Variants in GRM7 observed in about 807,000 individuals in gnomAD.
The protein encoded by GRM7 is metabotropic glutamate receptor 7.
GRM7 carries 35 observed loss-of-function variants against 84.5 expected under a neutral mutation model. The ratio of observed to expected loss-of-function variants is 0.41; its 90% CI spans 0.32 to 0.55. GRM7 has a LOEUF of 0.55. Among genes scored for constraint, GRM7 ranks in the 20% least tolerant of loss-of-function variants. The pLI is 0.19. For synonymous variants in GRM7, 487 were observed against 455.1 expected (o/e 1.07, Z -0.89); for missense variants, 1,003 against 1,194.6 (o/e 0.84, Z 2.36).
chr3:7,134,345 A>C (rs958855286), intron 1 of GRM7, among the ~76,000 whole-genome samples: 4 of 152,132 alleles, frequency 2.6e-5, no homozygotes, highest in Non-Finnish European at 4.4e-5. Context: ...GTCTATCTCT[A>C]TTCCTGAGCC....
intron 7 of GRM7, among the ~76,000 whole-genome samples, chr3:7,505,537 A>G (rs1700014892): frequency 6.6e-6 from 1 of 152,176 alleles, no homozygotes. Flanking sequence ...GACTTTTGTG[A>G]TATCCTTTGA....
At chr3:7,461,094 G>A (rs1487057170) in intron 6 of GRM7, among the ~76,000 whole-genome samples, 1 of 152,282 alleles carries the variant, frequency 6.6e-6, no homozygotes, top group East Asian at 1.9e-4. Context: ...GAGTAGAAAA[G>A]TACATTTAAA....
At chr3:7,311,595 A>G (rs1575153164) in intron 4 of GRM7, among the ~76,000 whole-genome samples, 1 of 109,008 alleles carries the variant, frequency 9.2e-6, no homozygotes, top group African/African-American at 5.5e-5. Context: ...GTGTTTCAAT[A>G]CATTTTTTTT....
Position 7,320,252 on chromosome 3 carries a change from G to C in GRM7, c.1033+13600G>C, listed in dbSNP as rs62237079. Among the ~76,000 whole-genome samples, 651 of 151,900 alleles carry C rather than the reference G, an allele frequency of 4.3e-3. 3 individuals carry two copies. Among genetic ancestry groups the C allele is most frequent in the Middle Eastern group, 0.01 (3 of 294 alleles). ...CATGGCTGAGACGCCTATAACAAAA[G>C]ACAAATTAACAAGAGAAAAGCATAC... On this transcript the variant is annotated intron_variant, in intron 4 of 9. Coordinates refer to ENST00000357716, the MANE Select transcript of GRM7 (RefSeq NM_000844.4).
At chr3:7,327,595 C>CA (rs1240874114) in intron 4 of GRM7, among the ~76,000 whole-genome samples, 2 of 152,210 alleles carry the variant, frequency 1.3e-5, no homozygotes, top group East Asian at 3.9e-4. Flanking sequence ...CATTTGCCTC[C>CA]AAAAATCCCA....
chr3:7,458,721 G>T (rs1490132900), intron 6 of GRM7, among the ~76,000 whole-genome samples: 14 of 152,112 alleles, frequency 9.2e-5, no homozygotes, highest in Non-Finnish European at 1.5e-5. Context: ...GGAGCCCCAG[G>T]CCTCCCATAT....
intron 1 of GRM7, among the ~76,000 whole-genome samples, chr3:6,918,589 T>C (rs1324892299): frequency 6.6e-6 from 1 of 152,208 alleles, no homozygotes; most frequent in East Asian, 1.9e-4. Flanking sequence ...GTTTATTCAT[T>C]CATTCATCTA....
chr3:7,578,341 G>A (rs1695062343), intron 7 of GRM7, 81 bp from the exon 8 acceptor site: 3 of 866,698 alleles, frequency 3.5e-6, no homozygotes, highest in Non-Finnish European at 5.4e-6. Flanking sequence ...CACTTGCCAT[G>A]AGTACTGTTT....
chr3:7,271,502 T>C (rs1031688062), intron 2 of GRM7, among the ~76,000 whole-genome samples: 11 of 141,210 alleles, frequency 7.8e-5, no homozygotes, highest in African/African-American at 2.7e-4. Context: ...GAGCTTGCAG[T>C]GAGCTGAAAT....
At chr3:7,427,839 C>A (rs1253096171) in intron 5 of GRM7, among the ~76,000 whole-genome samples, 1 of 152,168 alleles carries the variant, frequency 6.6e-6, no homozygotes. Flanking sequence ...AAAATGGCAG[C>A]TCAGGGTCAG....
intron 5 of GRM7, among the ~76,000 whole-genome samples, chr3:7,433,576 G>T (rs536067257): frequency 8.2e-4 from 125 of 152,226 alleles, no homozygotes; most frequent in African/African-American, 2.8e-3. Context: ...AAGGTTATAT[G>T]GTGAAAAATA....
intron 1 of GRM7, among the ~76,000 whole-genome samples, chr3:7,065,844 G>T (rs149602412): frequency 0.012 from 1,889 of 151,830 alleles, 17 homozygotes; most frequent in Non-Finnish European, 0.02. Flanking sequence ...TCAGACCACA[G>T]TGGAATACAA....
chr3:7,053,169 T>G (rs1221032341), intron 1 of GRM7, among the ~76,000 whole-genome samples: 3 of 151,220 alleles, frequency 2.0e-5, no homozygotes, highest in African/African-American at 7.3e-5. Context: ...TTAAAAATCT[T>G]TTCATGCACT....
At chr3:7,484,208 T>C (rs904010273) in intron 7 of GRM7, among the ~76,000 whole-genome samples, 1 of 152,212 alleles carries the variant, frequency 6.6e-6, no homozygotes, top group Non-Finnish European at 1.5e-5. Flanking sequence ...CAATTTCTGA[T>C]ACATACGTGG....
intron 1 of GRM7, among the ~76,000 whole-genome samples, chr3:6,885,371 A>C (rs1307563047): frequency 6.6e-6 from 1 of 152,204 alleles, no homozygotes; most frequent in East Asian, 1.9e-4. Flanking sequence ...ACTTATGCAG[A>C]AATTTCTAGG....
chr3:6,887,363 A>T (rs1695737001), intron 1 of GRM7, among the ~76,000 whole-genome samples: 1 of 151,922 alleles, frequency 6.6e-6, no homozygotes, highest in South Asian at 2.1e-4. Context: ...TATATCTCCT[A>T]ATGCTATCCC....
chr3:7,703,313 T>G (rs576267732), intron 9 of GRM7, among the ~76,000 whole-genome samples: 1 of 152,284 alleles, frequency 6.6e-6, no homozygotes, highest in South Asian at 2.1e-4. Context: ...AATCTGTGTT[T>G]TAACAACCCC....
At chr3:7,348,456 C>T (rs1692988676) in intron 4 of GRM7, among the ~76,000 whole-genome samples, 1 of 152,136 alleles carries the variant, frequency 6.6e-6, no homozygotes, top group Admixed American at 6.6e-5. Flanking sequence ...GTTAAATGCT[C>T]ATGTTATCCC....
intron 1 of GRM7, among the ~76,000 whole-genome samples, chr3:6,909,729 A>G (rs992653513): frequency 6.6e-6 from 1 of 152,086 alleles, no homozygotes; most frequent in African/African-American, 2.4e-5. Context: ...CTTTGGGTCT[A>G]GACTCGATAT....
Sources: allele counts gnomAD v4.1 joint callset (sites outside exome capture counted in the v4.1 genomes callset), GRCh38; gene constraint gnomAD v4.1.1; transcripts MANE v1.5; gene names NCBI Gene and HGNC (gene_info 2026-07-23, HGNC 2026-07-21).